Variants in BCAS3 observed in about 807,000 individuals in gnomAD.
The protein encoded by BCAS3 is BCAS4/BCAS3 fusion.
BCAS3 carries 53 observed loss-of-function variants against 116.1 expected under a neutral mutation model. The ratio of observed to expected loss-of-function variants is 0.46; its 90% CI spans 0.37 to 0.57. The LOEUF is 0.57. BCAS3 is among the 20% of genes least tolerant of loss of function. The pLI is 0.00. For synonymous variants in BCAS3, 391 were observed against 408.2 expected, an observed-to-expected ratio of 0.96 and a Z score of 0.51; for missense variants, 917 against 1,165.4, an observed-to-expected ratio of 0.79 and a Z score of 3.10.
At chr17:61,192,339 A>G (rs2144234152) in intron 22 of BCAS3, among the ~76,000 whole-genome samples, 1 of 151,324 alleles carries the variant, frequency 6.6e-6, no homozygotes, top group East Asian at 1.9e-4. Context: ...AGCAATGTTC[A>G]CATAATAACT....
intron 14 of BCAS3, among the ~76,000 whole-genome samples, chr17:60,975,205 G>C (rs973889830): frequency 1.3e-5 from 2 of 151,626 alleles, no homozygotes; most frequent in Non-Finnish European, 2.9e-5. Context: ...GTTTCACCTT[G>C]TTAGCCAGGA....
chr17:61,348,203 G>A lies in BCAS3; in HGVS notation c.2426-20124G>A, dbSNP rs1307806196. 6.6e-6 allele frequency among the ~76,000 whole-genome samples: 1 copy of A among 152,190 alleles called. No individual in the cohort carries two copies. Among genetic ancestry groups the A allele is most frequent in the African/African-American group, 2.4e-5 (1 of 41,454 alleles). ...ATCCACAGGACTTACTGGTCAGCTGGATGGACGGGCGATGTTTGGGCCAAT... is the reference window on the plus strand; with the variant it reads ...ATCCACAGGACTTACTGGTCAGCTGAATGGACGGGCGATGTTTGGGCCAAT... On this transcript the variant is annotated intron_variant, in intron 22 of 23. Transcript: ENST00000407086. This position sits in a 1 kb window ranked among gnomAD's most constrained non-coding sequence, Gnocchi z 4.5.
At position 61,283,265 on chromosome 17, in the gene BCAS3, A is replaced by G. The variant is rs542935738; in HGVS notation, c.2426-85062A>G. Reference sequence around the variant, plus strand: ...GTCTTGGTTTGGAGGACTATAACACATTCAAACTAGTTAGCTTCATCCACC... The same window carrying G: ...GTCTTGGTTTGGAGGACTATAACACGTTCAAACTAGTTAGCTTCATCCACC... On this transcript the variant is annotated intron_variant, in intron 22 of 23. Coordinates refer to ENST00000407086, the MANE Select transcript of BCAS3 (RefSeq NM_017679.5). 4.6e-5 allele frequency among the ~76,000 whole-genome samples: 7 copies of G among 152,302 alleles called. No individual in the cohort carries two copies. In the East Asian group the frequency reaches 1.2e-3, roughly 25 times the overall value.
intron 13 of BCAS3, among the ~76,000 whole-genome samples, chr17:60,941,402 G>A (rs991957013): frequency 2.0e-5 from 3 of 151,988 alleles, no homozygotes; most frequent in African/African-American, 7.3e-5. Flanking sequence ...ATGTATATGT[G>A]CATTTTAACT....
chr17:61,197,196 G>A (rs1241825590), intron 22 of BCAS3, among the ~76,000 whole-genome samples: 4 of 152,172 alleles, frequency 2.6e-5, no homozygotes, highest in Non-Finnish European at 5.9e-5. Context: ...TTCCAAGAGT[G>A]ACATAGTAAA....
Position 61,084,498 on chromosome 17 carries a change from A to C in BCAS3, c.2359A>C (p.Met787Leu), listed in dbSNP as rs1460199653. 1.2e-6 allele frequency: 2 copies of C among 1,614,002 alleles called. No individual in the cohort carries two copies. The highest frequency in any genetic ancestry group is 1.7e-6 in the Non-Finnish European group (2 of 1,179,992). Residue 787 changes from methionine (M) to leucine (L), a missense_variant, in exon 22 of 24, where the codon ATG (methionine) becomes CTG (leucine). Transcript: ENST00000407086. The surrounding 1 kb of genome is among the most constrained non-coding windows in gnomAD (Gnocchi z 5.5). Reference sequence around the variant, plus strand: ...GCCAGTCCGCTCTGACCCCGTCAGCATGCCAGGGTCATCCCGTCCAGTCTC... The same window carrying C: ...GCCAGTCCGCTCTGACCCCGTCAGCCTGCCAGGGTCATCCCGTCCAGTCTC... ...IQPVRSDPVS[M>L]PGSSRPVSDR...
intron 19 of BCAS3, among the ~76,000 whole-genome samples, chr17:61,044,766 T>C (rs2067889276): frequency 6.6e-6 from 1 of 151,662 alleles, no homozygotes; most frequent in African/African-American, 2.4e-5. Flanking sequence ...AGTGAAATGA[T>C]GCTAAAGTCC....
rs555970380 is a variant in BCAS3, at chr17:61,281,661, GT to G, written c.2426-86660del. ...TGGTCTTTACCCATCTTTATACTGG[GT>G]TTTTTATCTTATTCATATTGATTTG... is the stretch of plus-strand genomic sequence containing the variant. On this transcript the variant is annotated intron_variant, in intron 22 of 23. Transcript: ENST00000407086. This position sits in a 1 kb window ranked among gnomAD's most constrained non-coding sequence, Gnocchi z 4.2. Among the ~76,000 whole-genome samples, 6 of 151,872 alleles carry G rather than the reference GT, an allele frequency of 4.0e-5. No individual in the cohort carries two copies. The highest frequency in any genetic ancestry group is 2.6e-4 in the Admixed American group (4 of 15,254).
In BCAS3 at chr17:61,286,525, A is replaced by C. The variant is rs546180324; in HGVS notation, c.2426-81802A>C. ...TTTCTCCAGATTTTCTCACGTTAGC[A>C]TGCTGCTGCTTGGTGCACGACCAAA... is the stretch of plus-strand genomic sequence containing the variant. On this transcript the variant is annotated intron_variant, in intron 22 of 23. Transcript: ENST00000407086. The surrounding 1 kb of genome is among the most constrained non-coding windows in gnomAD (Gnocchi z 4.8). Among the ~76,000 whole-genome samples, 1 of 152,304 alleles carries C rather than the reference A, an allele frequency of 6.6e-6. No homozygotes were observed. Among genetic ancestry groups the C allele is most frequent in the South Asian group, 2.1e-4 (1 of 4,826 alleles).
At position 61,380,231 on chromosome 17, in the gene BCAS3, C is replaced by A; in HGVS notation, c.2593+11737C>A. 1 of 447,084 alleles carries A rather than the reference C, an allele frequency of 2.2e-6. No homozygotes were observed. The highest frequency in any genetic ancestry group is 4.0e-6 in the Non-Finnish European group (1 of 247,238). The allele number at this position is 447,084 out of a possible 1,614,324, so 27.7% of individuals were successfully genotyped here. On this transcript the variant is annotated intron_variant, in intron 23 of 23. Transcript: ENST00000407086. The surrounding 1 kb of genome is among the most constrained non-coding windows in gnomAD (Gnocchi z 4.2). ...GCCGGCTTTCTCTCTACATCATTCC[C>A]TACCCCAGCCCTGTGCAGCAGGCAG...
At chr17:60,963,807 G>A (rs1272325110) in intron 14 of BCAS3, among the ~76,000 whole-genome samples, 3 of 152,144 alleles carry the variant, frequency 2.0e-5, no homozygotes, top group African/African-American at 4.8e-5. Context: ...CACCCGCCTC[G>A]GCCTCCCAAA....
At chr17:61,036,850 A>G (rs1488714795) in intron 17 of BCAS3, among the ~76,000 whole-genome samples, 1 of 152,182 alleles carries the variant, frequency 6.6e-6, no homozygotes, top group Non-Finnish European at 1.5e-5. Context: ...CCATGGAGAG[A>G]AAGAAGAGGA....
intron 7 of BCAS3, chr17:60,810,324 C>A (rs1051071279): frequency 2.2e-6 from 1 of 450,026 alleles, no homozygotes; most frequent in South Asian, 1.8e-5. Context: ...ACTCCACCAA[C>A]TTCTGGGGTG....
At chr17:60,857,623 G>A (rs566701188) in intron 7 of BCAS3, among the ~76,000 whole-genome samples, 1 of 152,282 alleles carries the variant, frequency 6.6e-6, no homozygotes, top group East Asian at 1.9e-4. Flanking sequence ...TCATCAGCCT[G>A]CCCATGAGGA....
At chr17:61,206,925 G>GTT (rs537375467) in intron 22 of BCAS3, among the ~76,000 whole-genome samples, 7 of 143,332 alleles carry the variant, frequency 4.9e-5, no homozygotes, top group African/African-American at 1.5e-4. Flanking sequence ...GGTTTTTGGT[G>GTT]TTTTTTTTTT....
rs2076323712 is a variant in BCAS3 at position 61,131,209 on chromosome 17, A to G, written c.2425+46645A>G. On this transcript the variant is annotated intron_variant, in intron 22 of 23. Coordinates refer to ENST00000407086, the MANE Select transcript of BCAS3 (RefSeq NM_017679.5). This position sits in a 1 kb window ranked among gnomAD's most constrained non-coding sequence, Gnocchi z 4.4. ...TGAAAAAAAATACTATGTGTTTGTA[A>G]TTTTATGATTATAATTCCATTTAAG... Among the ~76,000 whole-genome samples the G allele has an allele frequency of 6.6e-6, 1 of 152,188 alleles. No homozygotes were observed. Among genetic ancestry groups the G allele is most frequent in the African/African-American group, 2.4e-5 (1 of 41,450 alleles).
chr17:60,727,422 GA>G lies in BCAS3; in HGVS notation c.321+18098del, dbSNP rs1412423913. 82 of 1,602,050 alleles carry G rather than the reference GA, an allele frequency of 5.1e-5. No individual in the cohort carries two copies. In the Middle Eastern group the frequency reaches 6.7e-4, roughly 13 times the overall value. On this transcript the variant is annotated intron_variant, in intron 5 of 23. Transcript: ENST00000407086. ...TTGCTCTTATACTGTGTCACTTTGTGAGGCTGATGCTTGCCACACTTCTTAC... is the reference window on the plus strand; with the variant it reads ...TTGCTCTTATACTGTGTCACTTTGTGGGCTGATGCTTGCCACACTTCTTAC...
In BCAS3 at chr17:61,391,956, G is replaced by A; in HGVS notation, c.2594-21G>A. ...CCAGACCCAACTCTAACCAGGCCTG[G>A]CCCTCTCCTGTGTCTTGCAGAACTT... is the stretch of plus-strand genomic sequence containing the variant. On this transcript the variant is annotated intron_variant, in intron 23 of 23. Transcript: ENST00000407086. The surrounding 1 kb of genome is among the most constrained non-coding windows in gnomAD (Gnocchi z 7.7). 6.2e-7 allele frequency: 1 copy of A among 1,611,558 alleles called. No individual in the cohort carries two copies. The highest frequency in any genetic ancestry group is 8.5e-7 in the Non-Finnish European group (1 of 1,179,230).
In BCAS3 at chr17:61,239,265, A is replaced by G. The variant is rs2083292289; in HGVS notation, c.2426-129062A>G. ...TTGGGTTAGAACAGATTCTCTGCAT[A>G]TCAGATTTGAAGAGAAGATCTTAGT... On this transcript the variant is annotated intron_variant, in intron 22 of 23. Coordinates refer to ENST00000407086, the MANE Select transcript of BCAS3 (RefSeq NM_017679.5). This position sits in a 1 kb window ranked among gnomAD's most constrained non-coding sequence, Gnocchi z 4.2. Among the ~76,000 whole-genome samples the G allele has an allele frequency of 6.6e-6, 1 of 152,246 alleles. No individual in the cohort carries two copies. Among genetic ancestry groups the G allele is most frequent in the African/African-American group, 2.4e-5 (1 of 41,470 alleles).
Sources: gnomAD v4.1 joint callset for allele counts (sites outside exome capture counted in the v4.1 genomes callset) on GRCh38, gnomAD v4.1.1 for gene constraint, Gnocchi (gnomAD v3.1) non-coding constraint, MANE v1.5 for transcripts, NCBI Gene and HGNC (gene_info 2026-07-23, HGNC 2026-07-21) for gene names.